HPGDS: variants seen among roughly 807,000 people sequenced by gnomAD.
HPGDS encodes the protein hematopoietic prostaglandin D synthase, also known as GST class-sigma.
In HPGDS, 26 loss-of-function variants were observed where a neutral mutation model predicts 23.1. The observed-to-expected ratio is 1.13, with a 90% confidence interval of 0.83 to 1.56. The LOEUF (loss-of-function observed/expected upper bound fraction) is 1.56, where lower values mean the gene tolerates loss of function less well. HPGDS is among the 40% of genes most tolerant of loss of function. The probability of loss-of-function intolerance (pLI) is 0.00; values close to 1 mark genes in which losing one functional copy is unlikely to be tolerated. For missense variants in HPGDS, 268 were observed against 236.4 expected, an observed-to-expected ratio of 1.13 and a Z score of -0.88; for synonymous variants, 95 against 77.9, an observed-to-expected ratio of 1.22 and a Z score of -1.16.
At chr4:94,328,438 G>C (rs1214435543) in intron 2 of HPGDS, among the ~76,000 whole-genome samples, 1 of 152,178 alleles carries the variant, frequency 6.6e-6, no homozygotes, top group Non-Finnish European at 1.5e-5. Context: ...CGGACAGACT[G>C]ATAGCAGATA....
rs1755974140 is a variant in HPGDS, at chr4:94,298,739, C to G, written c.*741G>C. 6.6e-6 allele frequency: 1 copy of G among 152,138 alleles called. No homozygotes were observed. The allele number at this position is 152,138 out of a possible 1,614,324, so 9.4% of individuals were successfully genotyped here. A position where few individuals can be genotyped will look rare whatever the true frequency, so the allele number is the denominator to read the frequency against. On this transcript the variant is annotated 3_prime_UTR_variant, in exon 6 of 6. Coordinates refer to ENST00000295256, the MANE Select transcript of HPGDS (RefSeq NM_014485.3). The stretch of plus-strand genomic sequence containing the variant: ...ATTCATGTCAGTAAATTCATCTTTA[C>G]AAGTTTCTCTGGCTGCATATCTAGA...
chr4:94,312,695 G>T (rs1435295914), intron 3 of HPGDS, among the ~76,000 whole-genome samples: 1 of 152,154 alleles, frequency 6.6e-6, no homozygotes, highest in East Asian at 1.9e-4. Context: ...GGATATCCTT[G>T]TTAACTTTCT....
intron 2 of HPGDS, among the ~76,000 whole-genome samples, chr4:94,321,872 C>T (rs1756516420): frequency 6.6e-6 from 1 of 152,158 alleles, no homozygotes; most frequent in African/African-American, 2.4e-5. Flanking sequence ...CCAGTTTTTG[C>T]CCATTCAGTA....
rs918167076 is a variant in HPGDS at position 94,311,533 on chromosome 4, A to G, written c.227-2790T>C. On this transcript the variant is annotated intron_variant, in intron 3 of 5. Coordinates refer to ENST00000295256, the MANE Select transcript of HPGDS (RefSeq NM_014485.3). ...AGGTTTTTGATGTGTTGCTGGATTC[A>G]GTTTGCCAGTATTTTATTGAGGATT... Among the ~76,000 whole-genome samples, 6 of 151,236 alleles carry G rather than the reference A, an allele frequency of 4.0e-5. 1 individual carries two copies. Among genetic ancestry groups the G allele is most frequent in the African/African-American group, 7.4e-5 (3 of 40,666 alleles).
intron 1 of HPGDS, among the ~76,000 whole-genome samples, chr4:94,340,311 C>CTTTTTTTTTTTTTTTTTTTT (rs869240610): frequency 4.2e-5 from 1 of 23,676 alleles, no homozygotes; most frequent in African/African-American, 1.5e-4. Flanking sequence ...CTTTCTTTCT[C>CTTTTTTTTTTTTTTTTTTTT]TTTTTTTTTT....
rs368529725 is a variant in HPGDS, at chr4:94,311,470, G to A, written c.227-2727C>T. Among the ~76,000 whole-genome samples the A allele has an allele frequency of 5.0e-4, 76 of 151,408 alleles. 3 individuals are homozygous for A. Among genetic ancestry groups the A allele is most frequent in the South Asian group, 6.2e-4 (3 of 4,804 alleles). ...GATTTGCATATGTTGAACCAGCCTT[G>A]CATCCCAGGAATGAAGCCCACTTGA... On this transcript the variant is annotated intron_variant, in intron 3 of 5. Transcript: ENST00000295256.
chr4:94,309,289 G>C (rs1187439054), intron 3 of HPGDS, among the ~76,000 whole-genome samples: 7 of 73,264 alleles, frequency 9.6e-5, no homozygotes, highest in South Asian at 5.5e-4. Context: ...CCCCACAACA[G>C]GCCCCGGTGT....
chr4:94,304,422 T>C (rs1452132927), intron 4 of HPGDS, among the ~76,000 whole-genome samples: 1 of 152,160 alleles, frequency 6.6e-6, no homozygotes, highest in Non-Finnish European at 1.5e-5. Flanking sequence ...AATTCTTTTT[T>C]TATTGGAAAT....
chr4:94,325,238 G>C (rs1756605917), intron 2 of HPGDS, among the ~76,000 whole-genome samples: 1 of 152,218 alleles, frequency 6.6e-6, no homozygotes, highest in Non-Finnish European at 1.5e-5. Flanking sequence ...TCGGGGGTCA[G>C]GGACCCAGTT....
chr4:94,340,260 C>CCTTTCTTTCTTTCTTTCTTT lies in HPGDS; in HGVS notation c.-10+2515_-10+2534dup, dbSNP rs201837103. On this transcript the variant is annotated intron_variant, in intron 1 of 5. Transcript: ENST00000295256. ...TGTGAGCCACTGTGCCTGGTCTAAA[C>CCTTTCTTTCTTTCTTTCTTT]CTTTCTTTCTTTCTTTCTTTCTTTC... 1.5e-4 allele frequency among the ~76,000 whole-genome samples: 12 copies of CCTTTCTTTCTTTCTTTCTTT among 81,524 alleles called. 3 individuals carry two copies. Among genetic ancestry groups the CCTTTCTTTCTTTCTTTCTTT allele is most frequent in the South Asian group, 6.0e-4 (1 of 1,678 alleles). The allele number at this position is 81,524 out of a possible 152,430, so 53.5% of individuals were successfully genotyped here.
intron 2 of HPGDS, among the ~76,000 whole-genome samples, chr4:94,326,613 C>T (rs1465399273): frequency 1.3e-5 from 2 of 152,008 alleles, no homozygotes. Context: ...TCATTGTCTT[C>T]CTGATTTCTT....
intron 2 of HPGDS, among the ~76,000 whole-genome samples, chr4:94,325,655 TG>T (rs1323372704): frequency 5.9e-5 from 9 of 152,184 alleles, no homozygotes; most frequent in South Asian, 2.1e-4. Context: ...AGTATTTGGG[TG>T]GCAGTGTCCC....
chr4:94,334,966 A>T (rs1261724107), intron 1 of HPGDS, among the ~76,000 whole-genome samples: 1 of 152,170 alleles, frequency 6.6e-6, no homozygotes, highest in African/African-American at 2.4e-5. Flanking sequence ...CCACTTTAAG[A>T]TGATTTTACC....
chr4:94,299,621 C>T lies in HPGDS; in HGVS notation c.459G>A (p.Trp153Ter). Residue 153 changes from tryptophan to a stop codon, truncating the protein, a stop_gained, in exon 6 of 6, where the codon TGG becomes TGA. Coordinates refer to ENST00000295256, the MANE Select transcript of HPGDS (RefSeq NM_014485.3). LOFTEE classifies it high-confidence loss of function. ...CCAAAAGTGTGGTACTGCAAATCTC[C>T]CAGTAGAAGTCTGCCCAAGTTACCT... Reference protein sequence around the residue: ...GNSVTWADFYWEICSTTLLVF... With the variant: ...GNSVTWADFY 6.2e-7 allele frequency: 1 copy of T among 1,613,936 alleles called. No homozygotes were observed. The highest frequency in any genetic ancestry group is 1.3e-5 in the African/African-American group (1 of 75,040).
At chr4:94,340,845 C>CT (rs1355637850) in intron 1 of HPGDS, among the ~76,000 whole-genome samples, 15,465 of 97,044 alleles carry the variant, frequency 0.16, 1,913 homozygotes, top group Non-Finnish European at 0.2. Context: ...TTTTTTTTTT[C>CT]TTTCTTTTTT....
intron 1 of HPGDS, among the ~76,000 whole-genome samples, chr4:94,341,042 C>T (rs1721160617): frequency 6.6e-6 from 1 of 151,594 alleles, no homozygotes; most frequent in African/African-American, 2.4e-5. Context: ...GACGTGGTTT[C>T]GCCATGTTGG....
At chr4:94,331,664 A>G (rs1011913893) in intron 2 of HPGDS, among the ~76,000 whole-genome samples, 1 of 152,170 alleles carries the variant, frequency 6.6e-6, no homozygotes, top group African/African-American at 2.4e-5. Flanking sequence ...GAAAGGTGCT[A>G]TGGATCTCAC....
chr4:94,324,526 AC>A (rs766578979), intron 2 of HPGDS, among the ~76,000 whole-genome samples: 16 of 152,058 alleles, frequency 1.1e-4, no homozygotes, highest in Non-Finnish European at 2.1e-4. Context: ...AATCACTGAT[AC>A]CCTTTCTTCC....
chr4:94,320,494 G>A (rs1220241889), intron 2 of HPGDS, among the ~76,000 whole-genome samples: 1 of 152,132 alleles, frequency 6.6e-6, no homozygotes, highest in East Asian at 1.9e-4. Flanking sequence ...GTTTTGATTT[G>A]CATTTCTGTG....
Sources: gnomAD v4.1 joint callset for allele counts (sites outside exome capture counted in the v4.1 genomes callset) on GRCh38, gnomAD v4.1.1 for gene constraint, MANE v1.5 for transcripts, NCBI Gene and HGNC (gene_info 2026-07-23, HGNC 2026-07-21) for gene names.